The following SLC5A8 variants were observed in gnomAD, a reference collection of about 807,000 sequenced individuals.
The protein encoded by SLC5A8 is solute carrier family 5 member 8.
In SLC5A8, 55 loss-of-function variants were observed where a neutral mutation model predicts 71.9. The observed-to-expected ratio is 0.77, with a 90% CI of 0.62 to 0.96. The LOEUF is 0.96. Among genes scored for constraint, SLC5A8 ranks in the 40% least tolerant of loss-of-function variants. The pLI is 0.00. For synonymous variants in SLC5A8, 307 were observed against 276.1 expected (o/e 1.11, Z -1.11); for missense variants, 701 against 745.3 (o/e 0.94, Z 0.69).
At chr12:101,207,469 G>A (rs1869721977) in intron 1 of SLC5A8, among the ~76,000 whole-genome samples, 1 of 152,188 alleles carries the variant, frequency 6.6e-6, no homozygotes. Flanking sequence ...AGCATTCAAT[G>A]AACTTTTGCT....
intron 10 of SLC5A8, among the ~76,000 whole-genome samples, chr12:101,177,709 A>C (rs985651204): frequency 3.3e-5 from 5 of 152,096 alleles, no homozygotes; most frequent in African/African-American, 1.2e-4. Flanking sequence ...TGATCATATA[A>C]ATTGATTACA....
intron 12 of SLC5A8, 114 bp from the exon 13 acceptor site, chr12:101,162,191 A>G: frequency 1.4e-6 from 1 of 699,132 alleles, no homozygotes; most frequent in Admixed American, 2.3e-5. Flanking sequence ...AATGTTTTTA[A>G]TGTCATAACC....
intron 10 of SLC5A8, among the ~76,000 whole-genome samples, chr12:101,176,085 T>C (rs2051877413): frequency 6.6e-6 from 1 of 152,032 alleles, no homozygotes; most frequent in Non-Finnish European, 1.5e-5. Flanking sequence ...AAGACTCAAC[T>C]GTGTGCTGTC....
intron 10 of SLC5A8, among the ~76,000 whole-genome samples, chr12:101,177,797 A>G (rs1390838695): frequency 6.6e-6 from 1 of 152,172 alleles, no homozygotes; most frequent in African/African-American, 2.4e-5. Context: ...GAATAGGAAT[A>G]GAGAGTTTCC....
At chr12:101,192,467 T>C (rs1002719178) in intron 5 of SLC5A8, among the ~76,000 whole-genome samples, 10 of 152,152 alleles carry the variant, frequency 6.6e-5, no homozygotes, top group Non-Finnish European at 1.0e-4. Context: ...AAAGAGAAGA[T>C]AGGCTAATTC....
chr12:101,164,084 G>A (rs2051747020), intron 12 of SLC5A8, among the ~76,000 whole-genome samples: 2 of 152,168 alleles, frequency 1.3e-5, no homozygotes, highest in South Asian at 2.1e-4. Flanking sequence ...ACACATAAAG[G>A]ACTAACCATA....
At chr12:101,183,035 CTTTTTTTTTTTTTTTT>C in intron 8 of SLC5A8, 120 bp from the exon 9 acceptor site, 3 of 73,526 alleles carry the variant, frequency 4.1e-5, no homozygotes, top group African/African-American at 1.2e-4. Flanking sequence ...TTCTACTATG[CTTTTTTTTTTTTTTTT>C]TTTTTTTTTT....
chr12:101,160,744 T>C (rs1050194746), intron 13 of SLC5A8, among the ~76,000 whole-genome samples: 3 of 152,092 alleles, frequency 2.0e-5, no homozygotes, highest in African/African-American at 4.8e-5. Flanking sequence ...TTGAGAATTA[T>C]TGGAAAAGTA....
At chr12:101,166,842 T>C (rs1057017795) in intron 11 of SLC5A8, 143 bp from the exon 12 acceptor site, 15 of 681,232 alleles carry the variant, frequency 2.2e-5, no homozygotes, top group Non-Finnish European at 3.1e-5. Context: ...CCTCCCAAGA[T>C]AGTGCTCAGC....
chr12:101,155,996 G>A lies in SLC5A8; in HGVS notation c.*1283C>T, dbSNP rs1310813742. The A allele has an allele frequency of 2.0e-5, 3 of 152,032 alleles. No individual in the cohort carries two copies. Among genetic ancestry groups the A allele is most frequent in the African/African-American group, 7.2e-5 (3 of 41,394 alleles). 9.4% of individuals were successfully genotyped at this position (152,032 alleles called of 1,614,324 possible). ...AAAGAACTTTTAAACAGTATCTAAT[G>A]TGGGAACTGTACAAAAAATAAGTTA... On this transcript the variant is annotated 3_prime_UTR_variant, in exon 15 of 15. Coordinates refer to ENST00000536262, the MANE Select transcript of SLC5A8 (RefSeq NM_145913.5).
Position 101,157,141 on chromosome 12 carries a change from C to T in SLC5A8, c.*138G>A. The T allele has an allele frequency of 1.0e-6, 1 of 976,934 alleles. No individual in the cohort carries two copies. Among genetic ancestry groups the T allele is most frequent in the East Asian group, 2.5e-5 (1 of 39,430 alleles). The allele number at this position is 976,934 out of a possible 1,614,324, so 60.5% of individuals were successfully genotyped here. Reference sequence around the variant, plus strand: ...ATGTAGTAAATGAAGATAGTCCAGACTTTGTTTTAACAAAAACTTATCCCC... The same window carrying T: ...ATGTAGTAAATGAAGATAGTCCAGATTTTGTTTTAACAAAAACTTATCCCC... On this transcript the variant is annotated 3_prime_UTR_variant, in exon 15 of 15. Transcript: ENST00000536262.
chr12:101,197,709 A>G (rs1209902562), intron 3 of SLC5A8, among the ~76,000 whole-genome samples: 1 of 152,122 alleles, frequency 6.6e-6, no homozygotes, highest in Non-Finnish European at 1.5e-5. Flanking sequence ...ATTGACAGAG[A>G]AATAGCAGCA....
At chr12:101,188,234 T>G (rs924433980) in intron 6 of SLC5A8, among the ~76,000 whole-genome samples, 2 of 152,226 alleles carry the variant, frequency 1.3e-5, no homozygotes, top group Admixed American at 6.5e-5. Flanking sequence ...TGAAACAGTA[T>G]ATTATCATAT....
At chr12:101,167,719 A>G (rs1359787303) in intron 11 of SLC5A8, among the ~76,000 whole-genome samples, 2 of 152,178 alleles carry the variant, frequency 1.3e-5, no homozygotes, top group East Asian at 3.9e-4. Flanking sequence ...TTGCTGTGCT[A>G]TGGCTATTCA....
At chr12:101,197,280 G>C (rs948284514) in intron 3 of SLC5A8, among the ~76,000 whole-genome samples, 2 of 152,106 alleles carry the variant, frequency 1.3e-5, no homozygotes, top group Non-Finnish European at 2.9e-5. Context: ...TAATGAAGAA[G>C]AATTCACAGA....
At position 101,157,193 on chromosome 12, in the gene SLC5A8, C is replaced by A; in HGVS notation, c.*86G>T. 6.6e-7 allele frequency: 1 copy of A among 1,524,496 alleles called. No homozygotes were observed. Among genetic ancestry groups the A allele is most frequent in the South Asian group, 1.3e-5 (1 of 79,526 alleles). 94.4% of individuals were successfully genotyped at this position (1,524,496 alleles called of 1,614,324 possible). A position where few individuals can be genotyped will look rare whatever the true frequency, so the allele number is the denominator to read the frequency against. On this transcript the variant is annotated 3_prime_UTR_variant, in exon 15 of 15. Transcript: ENST00000536262. ...AAACACTCATGATACAACACACACA[C>A]ACACACAAAGAAAACCTGATCCAAT...
At chr12:101,192,041 T>A (rs1346558262) in intron 5 of SLC5A8, among the ~76,000 whole-genome samples, 1 of 152,180 alleles carries the variant, frequency 6.6e-6, no homozygotes, top group African/African-American at 2.4e-5. Context: ...TCAAGAGTAG[T>A]CATTGGTTGT....
In SLC5A8 at chr12:101,209,829, A is replaced by T; in HGVS notation, c.20T>A (p.Ile7Asn). ...GTAGTCCCACACCACGAAGGTGCCG[A>T]TGCCCCGTGGCGTGTCCATGGCCGC... MDTPRG[I>N]GTFVVWDYVV... Residue 7 changes from isoleucine to asparagine, a missense_variant, in exon 1 of 15, where the codon ATC becomes AAC. Coordinates refer to ENST00000536262, the MANE Select transcript of SLC5A8 (RefSeq NM_145913.5). The T allele has an allele frequency of 6.4e-7, 1 of 1,572,182 alleles. No homozygotes were observed. The highest frequency in any genetic ancestry group is 8.6e-7 in the Non-Finnish European group (1 of 1,156,520).
At chr12:101,183,035 CTTTTTTTTTTTTT>C (rs34182928) in intron 8 of SLC5A8, 120 bp from the exon 9 acceptor site, 3,561 of 74,660 alleles carry the variant, frequency 0.048, 182 homozygotes, top group African/African-American at 0.2. Context: ...TTCTACTATG[CTTTTTTTTTTTTT>C]TTTTTTTTTT....
Sources: gnomAD v4.1 joint callset for allele counts (sites outside exome capture counted in the v4.1 genomes callset) on GRCh38, gnomAD v4.1.1 for gene constraint, MANE v1.5 for transcripts, NCBI Gene and HGNC (gene_info 2026-07-23, HGNC 2026-07-21) for gene names.